Variants in SNX29 observed in about 807,000 individuals in gnomAD.
The protein encoded by SNX29 is sorting nexin 29, also known as sorting nexin-29.
In SNX29, 78 loss-of-function variants were observed where a neutral mutation model predicts 102.1. The ratio of observed to expected loss-of-function variants is 0.76; its 90% CI spans 0.64 to 0.92. The LOEUF (loss-of-function observed/expected upper bound fraction) is 0.92. Ranked by LOEUF, SNX29 falls within the 40% of genes least tolerant of loss-of-function variation. The probability of loss-of-function intolerance (pLI) is 0.00; values close to 1 mark genes in which losing one functional copy is unlikely to be tolerated. For synonymous variants in SNX29, 580 were observed against 414.5 expected (o/e 1.40, Z -4.85); for missense variants, 1,280 against 1,061.7 (o/e 1.21, Z -2.86).
chr16:12,273,193 C>T (rs1331864826), intron 14 of SNX29, among the ~76,000 whole-genome samples: 2 of 152,158 alleles, frequency 1.3e-5, no homozygotes, highest in African/African-American at 4.8e-5. Context: ...CTGGTGCCTT[C>T]TGGCCTACTC....
chr16:12,305,305 G>A (rs1039959271), intron 15 of SNX29, among the ~76,000 whole-genome samples: 33 of 152,226 alleles, frequency 2.2e-4, no homozygotes, highest in Admixed American at 9.2e-4. Context: ...GTGTTGCGAA[G>A]ATCCCCCCCG....
chr16:12,492,171 C>G (rs1053362697), intron 19 of SNX29, among the ~76,000 whole-genome samples: 5 of 152,196 alleles, frequency 3.3e-5, no homozygotes, highest in African/African-American at 1.2e-4. Context: ...TCCTGTTTCT[C>G]CACATCCTCG....
chr16:12,549,496 C>T (rs1319320712), intron 20 of SNX29, among the ~76,000 whole-genome samples: 2 of 146,466 alleles, frequency 1.4e-5, no homozygotes, highest in African/African-American at 5.2e-5. Context: ...CTCACACATA[C>T]AAAGATGTTC....
intron 18 of SNX29, among the ~76,000 whole-genome samples, chr16:12,451,289 G>A (rs1227027471): frequency 6.6e-6 from 1 of 152,148 alleles, no homozygotes; most frequent in Admixed American, 6.5e-5. Context: ...TAGAAAATTA[G>A]CTTCTTCCCC....
At chr16:12,553,306 G>A (rs1046277640) in intron 20 of SNX29, among the ~76,000 whole-genome samples, 4 of 152,194 alleles carry the variant, frequency 2.6e-5, no homozygotes, top group African/African-American at 9.7e-5. Flanking sequence ...GTGGGCACCT[G>A]GCCCTGGGAA....
At chr16:12,334,227 T>C (rs996884212) in intron 15 of SNX29, among the ~76,000 whole-genome samples, 4 of 152,202 alleles carry the variant, frequency 2.6e-5, no homozygotes, top group Non-Finnish European at 4.4e-5. Flanking sequence ...TGGGATGGCA[T>C]GTTTTGAAAC....
intron 20 of SNX29, among the ~76,000 whole-genome samples, chr16:12,541,733 T>C (rs8062733): frequency 2.0e-3 from 301 of 152,248 alleles, no homozygotes; most frequent in African/African-American, 7.0e-3. Context: ...CTCCTGTCTT[T>C]TCCGTACTGT....
intron 16 of SNX29, among the ~76,000 whole-genome samples, chr16:12,365,141 CTCTT>C (rs1399174372): frequency 6.6e-6 from 1 of 152,134 alleles, no homozygotes; most frequent in African/African-American, 2.4e-5. Flanking sequence ...ACACTGCTCA[CTCTT>C]TATTTTATGT....
chr16:12,476,417 T>TATATATATATATATATATAC (rs2087635555), intron 18 of SNX29, among the ~76,000 whole-genome samples: 3 of 23,966 alleles, frequency 1.3e-4, no homozygotes, highest in Non-Finnish European at 2.1e-4. Context: ...TATATACATA[T>TATATATATATATATATATAC]ATATATATAT....
Position 12,538,758 on chromosome 16 carries a change from C to T in SNX29, c.2318+13917C>T, listed in dbSNP as rs190989638. 1.2e-4 allele frequency among the ~76,000 whole-genome samples: 19 copies of T among 152,274 alleles called. No individual in the cohort carries two copies. In the South Asian group the frequency reaches 3.9e-3, roughly 32 times the overall value. On this transcript the variant is annotated intron_variant, in intron 20 of 20. Transcript: ENST00000566228. ...AGAAGCACACCCATATGGGTATCATCCAAGCTGTGAGCATGTCACATCGCC... is the reference window on the plus strand; with the variant it reads ...AGAAGCACACCCATATGGGTATCATTCAAGCTGTGAGCATGTCACATCGCC...
At chr16:12,441,643 C>G (rs556767009) in intron 18 of SNX29, among the ~76,000 whole-genome samples, 1 of 152,122 alleles carries the variant, frequency 6.6e-6, no homozygotes, top group Admixed American at 6.6e-5. Flanking sequence ...TCCAATTTAT[C>G]TGTTTTTTCT....
At chr16:12,207,962 A>G (rs754503479) in intron 14 of SNX29, among the ~76,000 whole-genome samples, 2 of 152,200 alleles carry the variant, frequency 1.3e-5, no homozygotes, top group Non-Finnish European at 2.9e-5. Flanking sequence ...AGTACACAAC[A>G]GGTGCTTAAT....
At chr16:12,130,179 G>GT (rs2054398142) in intron 13 of SNX29, among the ~76,000 whole-genome samples, 1 of 140,602 alleles carries the variant, frequency 7.1e-6, no homozygotes. Flanking sequence ...GGACTTTTTA[G>GT]TTAAAAAAAA....
At chr16:12,142,627 C>T (rs369931790) in intron 13 of SNX29, among the ~76,000 whole-genome samples, 68 of 152,134 alleles carry the variant, frequency 4.5e-4, no homozygotes, top group African/African-American at 1.6e-3. Context: ...TGCAGTGGGG[C>T]GATCTCAGAT....
At chr16:11,978,990 C>T (rs929266335) in intron 1 of SNX29, among the ~76,000 whole-genome samples, 4 of 151,750 alleles carry the variant, frequency 2.6e-5, no homozygotes, top group East Asian at 3.9e-4. Flanking sequence ...AAAATCATTA[C>T]GTCTGCTGGG....
At chr16:12,176,876 A>T (rs999468601) in intron 13 of SNX29, among the ~76,000 whole-genome samples, 8 of 152,130 alleles carry the variant, frequency 5.3e-5, no homozygotes, top group South Asian at 2.1e-4. Context: ...ACTAGGGTTT[A>T]TGACTGAGGC....
chr16:12,218,983 C>T (rs1221055773), intron 14 of SNX29, among the ~76,000 whole-genome samples: 1 of 152,068 alleles, frequency 6.6e-6, no homozygotes, highest in Non-Finnish European at 1.5e-5. Context: ...ACTGTGTTAG[C>T]CAGGTTGGTC....
intron 19 of SNX29, among the ~76,000 whole-genome samples, chr16:12,507,426 T>G (rs759127440): frequency 2.0e-4 from 31 of 152,244 alleles, no homozygotes; most frequent in Non-Finnish European, 3.8e-4. Context: ...CAATTCCGTT[T>G]TCCATACATG....
intron 15 of SNX29, among the ~76,000 whole-genome samples, chr16:12,317,297 C>T (rs767763398): frequency 6.6e-6 from 1 of 152,214 alleles, no homozygotes; most frequent in Non-Finnish European, 1.5e-5. Context: ...GCCCCAGATG[C>T]GCAGGACTCA....
Sources: allele counts gnomAD v4.1 joint callset (sites outside exome capture counted in the v4.1 genomes callset), GRCh38; gene constraint gnomAD v4.1.1; transcripts MANE v1.5; gene names NCBI Gene and HGNC (gene_info 2026-07-23, HGNC 2026-07-21).